The following GNG7 variants were observed in gnomAD, a reference collection of about 807,000 sequenced individuals.
The protein encoded by GNG7 is G protein subunit gamma 7, also known as guanine nucleotide-binding protein G(I)/G(S)/G(O) subunit gamma-7.
GNG7 carries 1 observed loss-of-function variant against 4.0 expected under a neutral mutation model. That is an observed-to-expected ratio of 0.25 (90% CI 0.09 to 1.18). GNG7 has a LOEUF of 1.18. Among genes scored for constraint, GNG7 ranks in the 50% most tolerant of loss-of-function variants. The pLI is 0.50. For synonymous variants in GNG7, 34 were observed against 36.9 expected (o/e 0.92, Z 0.29); for missense variants, 86 against 91.9 (o/e 0.94, Z 0.26).
intron 1 of GNG7, among the ~76,000 whole-genome samples, chr19:2,650,982 A>G (rs778577577): frequency 3.3e-5 from 5 of 152,176 alleles, no homozygotes. Flanking sequence ...AACCCAGCTC[A>G]GGGCCCTGGG....
intron 1 of GNG7, among the ~76,000 whole-genome samples, chr19:2,662,702 AC>A (rs1983211582): frequency 6.6e-6 from 1 of 152,004 alleles, no homozygotes; most frequent in African/African-American, 2.4e-5. Flanking sequence ...AGTTCTCCAA[AC>A]CCCGTCCTTT....
intron 2 of GNG7, among the ~76,000 whole-genome samples, chr19:2,599,065 G>A (rs8100700): frequency 2.6e-5 from 4 of 152,116 alleles, no homozygotes; most frequent in Non-Finnish European, 4.4e-5. Flanking sequence ...CCCCGCGCTC[G>A]GCTGGAAAAA....
At chr19:2,663,345 TC>T (rs144943909) in intron 1 of GNG7, among the ~76,000 whole-genome samples, 22 of 147,502 alleles carry the variant, frequency 1.5e-4, no homozygotes, top group Non-Finnish European at 2.4e-4. Context: ...TCTCTCTCTC[TC>T]CCCCCCCTCC....
intron 3 of GNG7, among the ~76,000 whole-genome samples, chr19:2,543,805 G>A (rs1426535689): frequency 6.6e-6 from 1 of 152,136 alleles, no homozygotes; most frequent in African/African-American, 2.4e-5. Flanking sequence ...TGTGTGGCGC[G>A]GCGTGCCGGG....
intron 4 of GNG7, among the ~76,000 whole-genome samples, chr19:2,518,618 G>A (rs1012454012): frequency 6.6e-6 from 1 of 151,996 alleles, no homozygotes; most frequent in Non-Finnish European, 1.5e-5. Flanking sequence ...CCGCCTCCCC[G>A]CTGGGAGCAA....
chr19:2,625,585 G>A (rs563116020), intron 2 of GNG7, among the ~76,000 whole-genome samples: 4 of 152,106 alleles, frequency 2.6e-5, no homozygotes, highest in African/African-American at 7.2e-5. Context: ...CCACCAACTT[G>A]TAGAAGGGCC....
At chr19:2,604,096 C>T (rs969123760) in intron 2 of GNG7, among the ~76,000 whole-genome samples, 4 of 151,910 alleles carry the variant, frequency 2.6e-5, no homozygotes, top group African/African-American at 9.7e-5. Flanking sequence ...GTGATCCACC[C>T]GCCTCGGCCC....
In GNG7 at chr19:2,526,214, C is replaced by A. The variant is rs1978390458; in HGVS notation, c.-37-5489G>T. 2.0e-5 allele frequency among the ~76,000 whole-genome samples: 3 copies of A among 151,676 alleles called. No individual in the cohort carries two copies. The South Asian group carries it at 6.2e-4, about 31-fold the overall frequency. On this transcript the variant is annotated intron_variant, in intron 3 of 4. Coordinates refer to ENST00000382159, the MANE Select transcript of GNG7 (RefSeq NM_052847.3). Reference sequence around the variant, plus strand: ...CTCGATCTCCTGATCTTGTGATCCGCCTGCCTCGGCCTCCCAGAGTGCTGG... The same window carrying A: ...CTCGATCTCCTGATCTTGTGATCCGACTGCCTCGGCCTCCCAGAGTGCTGG...
At position 2,626,213 on chromosome 19, in the gene GNG7, G is replaced by A. The variant is rs542363346; in HGVS notation, c.-78+20011C>T. Among the ~76,000 whole-genome samples, 43 of 152,270 alleles carry A rather than the reference G, an allele frequency of 2.8e-4. No homozygotes were observed. The highest frequency in any genetic ancestry group is 9.9e-4 in the African/African-American group (41 of 41,562). On this transcript the variant is annotated intron_variant, in intron 2 of 4. Coordinates refer to ENST00000382159, the MANE Select transcript of GNG7 (RefSeq NM_052847.3). The surrounding 1 kb of genome is among the most constrained non-coding windows in gnomAD (Gnocchi z 5.0). ...CTGACCCCGTGTCTCCAGCGGGAAC[G>A]TGAAGCTGATGCTGCTCCCGCCCCA... is the stretch of plus-strand genomic sequence containing the variant.
chr19:2,600,013 TA>T (rs984427397), intron 2 of GNG7, among the ~76,000 whole-genome samples: 1 of 152,006 alleles, frequency 6.6e-6, no homozygotes, highest in African/African-American at 2.4e-5. Flanking sequence ...TTGTACACTT[TA>T]AAAAGTGAAT....
intron 1 of GNG7, among the ~76,000 whole-genome samples, chr19:2,667,706 G>A (rs1983345523): frequency 6.6e-6 from 1 of 152,182 alleles, no homozygotes; most frequent in Non-Finnish European, 1.5e-5. Context: ...GCTGAGGTCA[G>A]GAGTTCAAGA....
At chr19:2,558,699 ACTTT>A (rs1344785272) in intron 2 of GNG7, among the ~76,000 whole-genome samples, 1 of 150,982 alleles carries the variant, frequency 6.6e-6, no homozygotes, top group African/African-American at 2.4e-5. Context: ...AAGTTATATA[ACTTT>A]CTTTCCTCTT....
At chr19:2,688,110 G>A (rs1255426815) in intron 1 of GNG7, among the ~76,000 whole-genome samples, 5 of 152,114 alleles carry the variant, frequency 3.3e-5, no homozygotes, top group Non-Finnish European at 5.9e-5. Flanking sequence ...AAAATTAGCC[G>A]GGCATGGTGG....
chr19:2,537,740 AC>A (rs1326904811), intron 3 of GNG7, among the ~76,000 whole-genome samples: 6 of 150,866 alleles, frequency 4.0e-5, no homozygotes, highest in Non-Finnish European at 8.8e-5. Flanking sequence ...TTAGGCTGGG[AC>A]CCGGTTACAG....
At chr19:2,522,480 GAAGGAAAGGA>G (rs1568230513) in intron 3 of GNG7, among the ~76,000 whole-genome samples, 4 of 70,098 alleles carry the variant, frequency 5.7e-5, no homozygotes, top group Non-Finnish European at 1.3e-4. Context: ...TTAGTGATAA[GAAGGAAAGGA>G]CTGGCCGGGC....
chr19:2,682,156 A>G (rs1314798954), intron 1 of GNG7, among the ~76,000 whole-genome samples: 2 of 150,254 alleles, frequency 1.3e-5, no homozygotes, highest in Admixed American at 6.6e-5. Context: ...TGATCCACCC[A>G]CCTTGGCCTC....
intron 1 of GNG7, among the ~76,000 whole-genome samples, chr19:2,655,812 C>T (rs1407175692): frequency 2.1e-5 from 3 of 140,730 alleles, no homozygotes. Flanking sequence ...GCACTCCAGC[C>T]TGGGTGACGG....
At chr19:2,696,859 TG>T (rs1913278552) in intron 1 of GNG7, among the ~76,000 whole-genome samples, 1 of 152,126 alleles carries the variant, frequency 6.6e-6, no homozygotes, top group Non-Finnish European at 1.5e-5. Context: ...GGTGATGGAA[TG>T]TTTTTTTGTT....
chr19:2,548,682 G>A (rs1264662569), intron 3 of GNG7, among the ~76,000 whole-genome samples: 5 of 152,004 alleles, frequency 3.3e-5, no homozygotes, highest in African/African-American at 9.7e-5. Context: ...CCAGCTACTC[G>A]GGAGGCTGAG....
Sources: allele counts gnomAD v4.1 joint callset (sites outside exome capture counted in the v4.1 genomes callset), GRCh38; gene constraint gnomAD v4.1.1; non-coding constraint Gnocchi (gnomAD v3.1); transcripts MANE v1.5; gene names NCBI Gene and HGNC (gene_info 2026-07-23, HGNC 2026-07-21).